AAGAB: variants seen among roughly 807,000 people sequenced by gnomAD.
The protein encoded by AAGAB is alpha- and gamma-adaptin-binding protein p34.
AAGAB carries 38 observed loss-of-function variants against 44.1 expected under a neutral mutation model. The observed-to-expected ratio is 0.86, with a 90% CI of 0.67 to 1.13. AAGAB has a LOEUF of 1.13. Ranked by LOEUF, AAGAB falls within the 50% of genes most tolerant of loss-of-function variation. The pLI, the probability that AAGAB is intolerant of heterozygous loss-of-function variation, is 0.00. For synonymous variants in AAGAB, 131 were observed against 131.8 expected, an observed-to-expected ratio of 0.99 and a Z score of 0.04; for missense variants, 450 against 373.8, an observed-to-expected ratio of 1.20 and a Z score of -1.68.
At chr15:67,237,242 G>A (rs1964492435) in intron 1 of AAGAB, among the ~76,000 whole-genome samples, 1 of 152,176 alleles carries the variant, frequency 6.6e-6, no homozygotes, top group Non-Finnish European at 1.5e-5. Context: ...CTAAAAGGAA[G>A]ATAGGATTAA....
chr15:67,226,145 T>A (rs1055796534), intron 5 of AAGAB, among the ~76,000 whole-genome samples: 1 of 152,100 alleles, frequency 6.6e-6, no homozygotes, highest in Non-Finnish European at 1.5e-5. Context: ...TTTTTTTTTT[T>A]AATACGAATT....
At chr15:67,252,853 C>T (rs1418226403) in intron 1 of AAGAB, among the ~76,000 whole-genome samples, 1 of 152,300 alleles carries the variant, frequency 6.6e-6, no homozygotes, top group East Asian at 1.9e-4. Context: ...ACTGAAGGGA[C>T]ATCTTACCTA....
chr15:67,203,716 CATGTATTAGG>C, intron 8 of AAGAB, 119 bp from the exon 9 acceptor site: 2 of 883,874 alleles, frequency 2.3e-6, no homozygotes, highest in Admixed American at 4.8e-5. Flanking sequence ...GTAGTCATTA[CATGTATTAGG>C]AAGTTTTTAA....
chr15:67,254,651 T>C lies in AAGAB; in HGVS notation c.-20A>G. ...AGCCATAGCTGCGCTCGCGAGCCGG[T>C]TCCGTCAGGCAGCCGCTTCCGCCTT... On this transcript the variant is annotated 5_prime_UTR_variant, in exon 1 of 10. Transcript: ENST00000261880. 2 of 1,599,770 alleles carry C rather than the reference T, an allele frequency of 1.3e-6. No individual in the cohort carries two copies. Among genetic ancestry groups the C allele is most frequent in the South Asian group, 2.2e-5 (2 of 89,336 alleles).
intron 1 of AAGAB, among the ~76,000 whole-genome samples, chr15:67,249,775 G>C (rs945881879): frequency 3.3e-5 from 5 of 152,166 alleles, no homozygotes; most frequent in African/African-American, 1.2e-4. Flanking sequence ...TATAAATCCT[G>C]AATTTGAACA....
chr15:67,209,387 G>T, intron 6 of AAGAB, 75 bp downstream of exon 6: 1 of 1,187,594 alleles, frequency 8.4e-7, no homozygotes, highest in Non-Finnish European at 1.2e-6. Flanking sequence ...AAACAATGGT[G>T]AATGTGTCAA....
chr15:67,219,413 A>G (rs1400691988), intron 5 of AAGAB, among the ~76,000 whole-genome samples: 1 of 152,236 alleles, frequency 6.6e-6, no homozygotes, highest in African/African-American at 2.4e-5. Context: ...GAATCAACCC[A>G]GGTGCCTATC....
intron 5 of AAGAB, among the ~76,000 whole-genome samples, chr15:67,222,230 A>ACGCGCG (rs372896757): frequency 1.2e-3 from 159 of 133,836 alleles, no homozygotes; most frequent in African/African-American, 2.2e-3. Context: ...ATGCACGCGC[A>ACGCGCG]CGCGCGCGCG....
chr15:67,254,054 C>G (rs1020111487), intron 1 of AAGAB, among the ~76,000 whole-genome samples: 1 of 152,154 alleles, frequency 6.6e-6, no homozygotes, highest in East Asian at 1.9e-4. Context: ...AGATGAAAGG[C>G]GTGAATAACT....
Position 67,202,809 on chromosome 15 carries a change from A to G in AAGAB, c.*12T>C. On this transcript the variant is annotated 3_prime_UTR_variant, in exon 10 of 10. Transcript: ENST00000261880. ...CTAGCATCTTTGTTGGTCAAACCCT[A>G]GTATGAATAATTCAGTGCTCTTCAT... 1 of 1,612,188 alleles carries G rather than the reference A, an allele frequency of 6.2e-7. No homozygotes were observed.
At chr15:67,204,295 G>T in intron 7 of AAGAB, 147 bp from the exon 8 acceptor site, 1 of 531,558 alleles carries the variant, frequency 1.9e-6, no homozygotes, top group Non-Finnish European at 3.3e-6. Context: ...GGCTCACCCT[G>T]CTTGGCTGCT....
rs1282862992 is a variant in AAGAB, at chr15:67,236,516, A to G, written c.265-12T>C. 1 of 1,611,814 alleles carries G rather than the reference A, an allele frequency of 6.2e-7. No individual in the cohort carries two copies. Among genetic ancestry groups the G allele is most frequent in the Admixed American group, 1.7e-5 (1 of 59,828 alleles). ...TCAAGGCCCGATTTCTAGAGGGAACAAAAAATATAAACAAACAAAAACAGA... is the reference window on the plus strand; with the variant it reads ...TCAAGGCCCGATTTCTAGAGGGAACGAAAAATATAAACAAACAAAAACAGA... On this transcript the variant is annotated splice_polypyrimidine_tract_variant and intron_variant, in intron 2 of 9. Coordinates refer to ENST00000261880, the MANE Select transcript of AAGAB (RefSeq NM_024666.5).
At chr15:67,203,620 G>A (rs1172178972) in intron 8 of AAGAB, 23 bp from the exon 9 acceptor site, 1 of 1,610,216 alleles carries the variant, frequency 6.2e-7, no homozygotes, top group African/African-American at 1.3e-5. Context: ...TATATCTTAA[G>A]AAATTTGTCT....
rs866489257 is a variant in AAGAB, at chr15:67,244,230, A to C, written c.74-7410T>G. ...TTGAAAATAAGCTTGATCTGTTAGA[A>C]AATATCAGAAAGCTAACAGATCCAA... is the stretch of plus-strand genomic sequence containing the variant. On this transcript the variant is annotated intron_variant, in intron 1 of 9. Transcript: ENST00000261880. Among the ~76,000 whole-genome samples, 3 of 152,340 alleles carry C rather than the reference A, an allele frequency of 2.0e-5. 1 individual carries two copies. The South Asian group carries it at 6.2e-4, about 32-fold the overall frequency.
chr15:67,208,731 A>G lies in AAGAB; in HGVS notation c.619-73T>C, dbSNP rs560715437. On this transcript the variant is annotated intron_variant, in intron 6 of 9. Transcript: ENST00000261880. ...CAGAACTAAATCCAAAAAAGCTCACACTTTCAGTCCTTGGTTGGCTTGAGA... is the reference window on the plus strand; with the variant it reads ...CAGAACTAAATCCAAAAAAGCTCACGCTTTCAGTCCTTGGTTGGCTTGAGA... 8 of 1,336,734 alleles carry G rather than the reference A, an allele frequency of 6.0e-6. No individual in the cohort carries two copies. The East Asian group carries it at 1.9e-4, about 31-fold the overall frequency. 82.8% of individuals were successfully genotyped at this position (1,336,734 alleles called of 1,614,324 possible). A position where few individuals can be genotyped will look rare whatever the true frequency, so the allele number is the denominator to read the frequency against.
intron 4 of AAGAB, 32 bp downstream of exon 4, chr15:67,235,947 G>T (rs751268927): frequency 7.1e-7 from 1 of 1,408,024 alleles, no homozygotes; most frequent in South Asian, 1.2e-5. Context: ...ATATCTAAGT[G>T]CCATATTTTC....
chr15:67,213,092 G>A (rs1299614173), intron 5 of AAGAB, among the ~76,000 whole-genome samples: 5 of 152,172 alleles, frequency 3.3e-5, no homozygotes, highest in East Asian at 1.9e-4. Flanking sequence ...GCAGAAAGGG[G>A]CAGCTGTTAA....
chr15:67,253,273 G>C (rs1019758187), intron 1 of AAGAB, among the ~76,000 whole-genome samples: 10 of 136,620 alleles, frequency 7.3e-5, no homozygotes, highest in East Asian at 7.1e-4. Flanking sequence ...GGGGGGGGGG[G>C]GGCAATTAGC....
At chr15:67,225,350 T>C (rs960242359) in intron 5 of AAGAB, among the ~76,000 whole-genome samples, 4 of 152,220 alleles carry the variant, frequency 2.6e-5, no homozygotes, top group Admixed American at 1.3e-4. Context: ...TTTTCTACTA[T>C]TACCATTATT....
Sources: allele counts gnomAD v4.1 joint callset (sites outside exome capture counted in the v4.1 genomes callset), GRCh38; gene constraint gnomAD v4.1.1; transcripts MANE v1.5; gene names NCBI Gene and HGNC (gene_info 2026-07-23, HGNC 2026-07-21).